Variants in INPP5F observed in about 807,000 individuals in gnomAD.
The protein encoded by INPP5F is inositol polyphosphate-5-phosphatase F, also known as phosphatidylinositide 4-phosphatase SAC2.
In INPP5F, 97 loss-of-function variants were observed where a neutral mutation model predicts 137.2. That is an observed-to-expected ratio of 0.71 (90% CI 0.60 to 0.84). The LOEUF (loss-of-function observed/expected upper bound fraction) is 0.84, where lower values mean the gene tolerates loss of function less well. INPP5F is among the 40% of genes least tolerant of loss of function. The pLI is 0.00. For missense variants in INPP5F, 1,271 were observed against 1,371.9 expected (o/e 0.93, Z 1.16); for synonymous variants, 504 against 476.9 (o/e 1.06, Z -0.74).
chr10:119,821,404 A>T (rs2134294272), intron 16 of INPP5F, among the ~76,000 whole-genome samples: 1 of 151,802 alleles, frequency 6.6e-6, no homozygotes, highest in East Asian at 2.0e-4. Flanking sequence ...ATGATGAATT[A>T]TGACTTTTGT....
chr10:119,806,208 C>T (rs1005544630), intron 11 of INPP5F, 152 bp from the exon 12 acceptor site: 6 of 478,466 alleles, frequency 1.3e-5, no homozygotes, highest in Admixed American at 3.8e-5. Context: ...ACAATGATGT[C>T]TATAAATGAC....
At chr10:119,728,462 G>C (rs1012220737) in intron 1 of INPP5F, among the ~76,000 whole-genome samples, 3 of 152,114 alleles carry the variant, frequency 2.0e-5, no homozygotes, top group African/African-American at 4.8e-5. Context: ...CTTTTCCCCT[G>C]TGCTTTTATG....
intron 2 of INPP5F, among the ~76,000 whole-genome samples, chr10:119,776,811 T>A (rs922229770): frequency 9.2e-5 from 14 of 152,122 alleles, no homozygotes; most frequent in African/African-American, 3.1e-4. Flanking sequence ...AGTACAGTGA[T>A]CCAGTCATAG....
chr10:119,817,220 G>A (rs1336492546), intron 15 of INPP5F, among the ~76,000 whole-genome samples: 1 of 152,088 alleles, frequency 6.6e-6, no homozygotes, highest in Non-Finnish European at 1.5e-5. Context: ...ACCACATTTT[G>A]TTCATTCTTC....
At position 119,730,671 on chromosome 10, in the gene INPP5F, A is replaced by G. The variant is rs148664674; in HGVS notation, c.97+4312A>G. Among the ~76,000 whole-genome samples the G allele has an allele frequency of 3.9e-5, 6 of 152,314 alleles. No individual in the cohort carries two copies. In the East Asian group the frequency reaches 7.7e-4, roughly 20 times the overall value. On this transcript the variant is annotated intron_variant, in intron 1 of 19. Coordinates refer to ENST00000650623, the MANE Select transcript of INPP5F (RefSeq NM_014937.4). Reference sequence around the variant, plus strand: ...GTGTGTAAATTATATAATAATTCACATTCTGTTCTGAGACTGAGCGACCAA... The same window carrying G: ...GTGTGTAAATTATATAATAATTCACGTTCTGTTCTGAGACTGAGCGACCAA...
At chr10:119,775,886 G>A (rs1477007315) in intron 2 of INPP5F, among the ~76,000 whole-genome samples, 2 of 152,170 alleles carry the variant, frequency 1.3e-5, no homozygotes, top group Non-Finnish European at 2.9e-5. Flanking sequence ...GATTGGAAAT[G>A]GAATCTGTTA....
At chr10:119,789,034 T>G (rs1051644932) in intron 3 of INPP5F, among the ~76,000 whole-genome samples, 2 of 152,176 alleles carry the variant, frequency 1.3e-5, no homozygotes, top group African/African-American at 4.8e-5. Flanking sequence ...GAGACCAGCC[T>G]GACCAACATG....
At chr10:119,774,057 G>C (rs1210630986) in intron 2 of INPP5F, among the ~76,000 whole-genome samples, 1 of 151,648 alleles carries the variant, frequency 6.6e-6, no homozygotes, top group Admixed American at 6.6e-5. Context: ...AAGGTCAAGA[G>C]ATAGAGACCG....
chr10:119,761,964 C>G (rs1849022142), intron 2 of INPP5F, among the ~76,000 whole-genome samples: 1 of 152,138 alleles, frequency 6.6e-6, no homozygotes, highest in Admixed American at 6.5e-5. Flanking sequence ...GGGATTGGTT[C>G]CAGGACCACC....
chr10:119,795,782 G>C (rs921353488), intron 6 of INPP5F, among the ~76,000 whole-genome samples: 1 of 152,170 alleles, frequency 6.6e-6, no homozygotes, highest in African/African-American at 2.4e-5. Context: ...CTCCAGCCTG[G>C]GCACCATTGA....
chr10:119,815,064 A>G (rs896722423), intron 15 of INPP5F, among the ~76,000 whole-genome samples: 1 of 151,728 alleles, frequency 6.6e-6, no homozygotes, highest in Admixed American at 6.6e-5. Flanking sequence ...ATGGCGTTTC[A>G]CCCTGTTAGC....
chr10:119,784,736 A>C (rs1849820075), intron 3 of INPP5F, among the ~76,000 whole-genome samples: 1 of 152,240 alleles, frequency 6.6e-6, no homozygotes, highest in African/African-American at 2.4e-5. Flanking sequence ...ACCCGTTTAA[A>C]GTATGTAAGT....
chr10:119,806,610 T>C, intron 12 of INPP5F, 130 bp downstream of exon 12: 1 of 803,812 alleles, frequency 1.2e-6, no homozygotes, highest in Non-Finnish European at 1.8e-6. Flanking sequence ...CAAACACCCT[T>C]GTTGCATTAA....
rs752592739 is a variant in INPP5F, at chr10:119,827,262, C to T, written c.2881C>T (p.His961Tyr). Residue 961 changes from histidine to tyrosine, a missense_variant, in exon 20 of 20, where the codon CAC (histidine) becomes TAC (tyrosine). Coordinates refer to ENST00000650623, the MANE Select transcript of INPP5F (RefSeq NM_014937.4). ...TGCCAAGCCTATGGATATTTACTGC[C>T]ACAGATTTGTGCAAGATGCACAGAA... ...GFAKPMDIYC[H>Y]RFVQDAQNKV... The T allele has an allele frequency of 6.8e-6, 11 of 1,613,994 alleles. No individual in the cohort carries two copies. Among genetic ancestry groups the T allele is most frequent in the Non-Finnish European group, 8.5e-6 (10 of 1,180,032 alleles).
intron 15 of INPP5F, chr10:119,815,301 T>G (rs1851224370): frequency 6.6e-6 from 1 of 152,644 alleles, no homozygotes; most frequent in African/African-American, 2.4e-5. Context: ...TGATTCTTTC[T>G]TAGATGGTCA....
intron 2 of INPP5F, among the ~76,000 whole-genome samples, chr10:119,753,883 A>C (rs1264385385): frequency 6.6e-6 from 1 of 152,210 alleles, no homozygotes; most frequent in Non-Finnish European, 1.5e-5. Flanking sequence ...GACCAAAAAC[A>C]AGAAAGAAAT....
intron 2 of INPP5F, among the ~76,000 whole-genome samples, chr10:119,774,154 C>T (rs1399545808): frequency 3.4e-5 from 5 of 147,860 alleles, no homozygotes; most frequent in Admixed American, 2.1e-4. Context: ...CTCAGCTACT[C>T]GGGAGGCTGA....
At chr10:119,738,569 C>G (rs1489418860) in intron 1 of INPP5F, among the ~76,000 whole-genome samples, 2 of 152,094 alleles carry the variant, frequency 1.3e-5, no homozygotes, top group Non-Finnish European at 1.5e-5. Context: ...ATAATACTGT[C>G]TACACATGTC....
At chr10:119,731,080 C>T (rs1848050653) in intron 1 of INPP5F, among the ~76,000 whole-genome samples, 1 of 152,092 alleles carries the variant, frequency 6.6e-6, no homozygotes. Context: ...AGCCACCGCG[C>T]CTGGCCTGAA....
Sources: allele counts gnomAD v4.1 joint callset (sites outside exome capture counted in the v4.1 genomes callset), GRCh38; gene constraint gnomAD v4.1.1; transcripts MANE v1.5; gene names NCBI Gene and HGNC (gene_info 2026-07-23, HGNC 2026-07-21).